The following LPP variants were observed in gnomAD, a reference collection of about 807,000 sequenced individuals.
The protein encoded by LPP is lipoma-preferred partner.
In LPP, 38 loss-of-function variants were observed where a neutral mutation model predicts 60.4. The observed-to-expected ratio is 0.63, with a 90% confidence interval of 0.49 to 0.83. The LOEUF (loss-of-function observed/expected upper bound fraction) is 0.83, where lower values mean the gene tolerates loss of function less well. LPP is among the 40% of genes least tolerant of loss of function. The pLI is 0.00. For missense variants in LPP, 902 were observed against 783.6 expected (o/e 1.15, Z -1.80); for synonymous variants, 328 against 290.8 (o/e 1.13, Z -1.30).
intron 7 of LPP, among the ~76,000 whole-genome samples, chr3:188,653,727 A>T (rs1852551974): frequency 6.6e-6 from 1 of 152,172 alleles, no homozygotes; most frequent in South Asian, 2.1e-4. Flanking sequence ...TTTATGAGGT[A>T]AATTTATTTT....
chr3:188,568,376 C>T (rs546554181), intron 6 of LPP: 25 of 152,004 alleles, frequency 1.6e-4, no homozygotes, highest in Non-Finnish European at 2.5e-4. Flanking sequence ...TATACTTACC[C>T]TTCAATCCAC....
rs1341432397 is a variant in LPP, at chr3:188,875,803, A to G, written c.*1324A>G. 1.5e-5 allele frequency: 3 copies of G among 196,516 alleles called. No individual in the cohort carries two copies. In the South Asian group the frequency reaches 5.7e-4, roughly 38 times the overall value. 12.2% of individuals were successfully genotyped at this position (196,516 alleles called of 1,614,324 possible). On this transcript the variant is annotated 3_prime_UTR_variant, in exon 12 of 12. Transcript: ENST00000617246. ...TAGCCAGTGAAACACTTGCTTGCCA[A>G]CTGCCAAGCCATACTTATTAAGTTC...
At chr3:188,746,504 A>G in intron 8 of LPP, 1 of 486,972 alleles carries the variant, frequency 2.1e-6, no homozygotes, top group Non-Finnish European at 4.1e-6. Context: ...GATAATGCCA[A>G]GCTGTGTTTA....
At chr3:188,202,739 G>A (rs1393416866) in intron 1 of LPP, among the ~76,000 whole-genome samples, 1 of 152,144 alleles carries the variant, frequency 6.6e-6, no homozygotes, top group Non-Finnish European at 1.5e-5. Context: ...TTCGAGGTTG[G>A]GAGAGGAAGC....
intron 2 of LPP, among the ~76,000 whole-genome samples, chr3:188,291,698 G>A (rs1051231272): frequency 6.6e-6 from 1 of 151,092 alleles, no homozygotes; most frequent in Non-Finnish European, 1.5e-5. Context: ...CTTACCTTGT[G>A]TGGGGGGCTT....
intron 6 of LPP, among the ~76,000 whole-genome samples, chr3:188,579,144 T>C (rs1835450855): frequency 6.6e-6 from 1 of 152,212 alleles, no homozygotes; most frequent in African/African-American, 2.4e-5. Flanking sequence ...TGACCAGCAC[T>C]TGCAGATGGA....
At chr3:188,524,971 CT>C (rs540192956) in intron 6 of LPP, among the ~76,000 whole-genome samples, 184 bp downstream of exon 6, 39 of 119,304 alleles carry the variant, frequency 3.3e-4, no homozygotes, top group Non-Finnish European at 3.7e-4. Context: ...CTTTCTTTCT[CT>C]TTTTTTTTTT....
At chr3:188,638,406 T>G (rs1253627386) in intron 7 of LPP, among the ~76,000 whole-genome samples, 8 of 144,086 alleles carry the variant, frequency 5.6e-5, no homozygotes, top group Non-Finnish European at 1.2e-4. Flanking sequence ...ACAGCCAATA[T>G]CATACTGAAT....
chr3:188,478,681 CTT>C (rs1488422486), intron 4 of LPP, among the ~76,000 whole-genome samples: 4 of 152,184 alleles, frequency 2.6e-5, no homozygotes, highest in African/African-American at 9.6e-5. Flanking sequence ...AGTTTTTGGA[CTT>C]AAAATTTCGT....
intron 4 of LPP, among the ~76,000 whole-genome samples, chr3:188,437,182 C>T (rs965143971): frequency 3.3e-5 from 5 of 152,144 alleles, no homozygotes; most frequent in African/African-American, 1.2e-4. Flanking sequence ...ACACTTGATG[C>T]TGCTGATAAA....
chr3:188,652,903 C>T (rs1262687779), intron 7 of LPP, among the ~76,000 whole-genome samples: 1 of 152,164 alleles, frequency 6.6e-6, no homozygotes, highest in African/African-American at 2.4e-5. Flanking sequence ...TTTATGTGCT[C>T]AGTCTTCTAT....
At chr3:188,343,982 C>T (rs1347371531) in intron 3 of LPP, among the ~76,000 whole-genome samples, 7 of 152,166 alleles carry the variant, frequency 4.6e-5, no homozygotes, top group Admixed American at 1.3e-4. Flanking sequence ...CCACTGACTG[C>T]GGTGTGTTCT....
intron 4 of LPP, among the ~76,000 whole-genome samples, chr3:188,435,794 T>A (rs1173458796): frequency 6.6e-6 from 1 of 152,210 alleles, no homozygotes; most frequent in Non-Finnish European, 1.5e-5. Flanking sequence ...GAGGATGTTG[T>A]GTTTGTAATG....
rs1748400108 is a variant in LPP at position 188,297,720 on chromosome 3, C to T, written c.-66-43943C>T. Among the ~76,000 whole-genome samples, 4 of 152,228 alleles carry T rather than the reference C, an allele frequency of 2.6e-5. No homozygotes were observed. In the South Asian group the frequency reaches 8.3e-4, roughly 32 times the overall value. On this transcript the variant is annotated intron_variant, in intron 2 of 11. Transcript: ENST00000617246. ...GACACTGGGGCTAGGTTTCATTACC[C>T]AGCTTAATCCTTAATTTCATATTGA... is the stretch of plus-strand genomic sequence containing the variant.
At chr3:188,863,894 C>T (rs1578045451) in intron 9 of LPP, among the ~76,000 whole-genome samples, 2 of 143,908 alleles carry the variant, frequency 1.4e-5, no homozygotes, top group African/African-American at 5.2e-5. Flanking sequence ...AGCCTCAGTG[C>T]AAACAAAAAC....
intron 2 of LPP, among the ~76,000 whole-genome samples, chr3:188,255,016 C>A (rs2149617774): frequency 6.6e-6 from 1 of 152,292 alleles, no homozygotes; most frequent in Non-Finnish European, 1.5e-5. Context: ...GAGTAGCTTA[C>A]TTAAGTATTA....
Position 188,848,075 on chromosome 3 carries a change from A to G in LPP, c.1411-18125A>G, listed in dbSNP as rs576263663. ...CTTGCCTTGAGTTTTTGAAAAATAT[A>G]TGTTAGAAATGTTTATGATTATATA... is the stretch of plus-strand genomic sequence containing the variant. On this transcript the variant is annotated intron_variant, in intron 9 of 11. Transcript: ENST00000617246. 3.3e-5 allele frequency among the ~76,000 whole-genome samples: 5 copies of G among 152,316 alleles called. No homozygotes were observed. In the East Asian group the frequency reaches 5.8e-4, roughly 18 times the overall value.
At chr3:188,299,557 T>C (rs897437253) in intron 2 of LPP, among the ~76,000 whole-genome samples, 1 of 152,198 alleles carries the variant, frequency 6.6e-6, no homozygotes, top group Non-Finnish European at 1.5e-5. Context: ...GATAATTGGC[T>C]GTATGAATAT....
intron 6 of LPP, among the ~76,000 whole-genome samples, chr3:188,550,202 A>T (rs1827727129): frequency 6.6e-6 from 1 of 152,168 alleles, no homozygotes; most frequent in South Asian, 2.1e-4. Flanking sequence ...GAGAAATAAC[A>T]ATTTGTATAC....
Sources: allele counts gnomAD v4.1 joint callset (sites outside exome capture counted in the v4.1 genomes callset), GRCh38; gene constraint gnomAD v4.1.1; transcripts MANE v1.5; gene names NCBI Gene and HGNC (gene_info 2026-07-23, HGNC 2026-07-21).